Variants in PCDH11X observed in about 807,000 individuals in gnomAD.
The protein encoded by PCDH11X is protocadherin-11 X-linked.
PCDH11X carries 18 observed loss-of-function variants against 53.3 expected under a neutral mutation model. The ratio of observed to expected loss-of-function variants is 0.34; its 90% CI spans 0.23 to 0.50. The LOEUF (loss-of-function observed/expected upper bound fraction) is 0.50, where lower values mean the gene tolerates loss of function less well. Among genes scored for constraint, PCDH11X ranks in the 20% least tolerant of loss-of-function variants. The pLI is 0.98. For missense variants in PCDH11X, 570 were observed against 1,032.4 expected (o/e 0.55, Z 6.14); for synonymous variants, 279 against 393.3 (o/e 0.71, Z 3.44).
chrX:92,215,011 G>A (rs1009692554), intron 7 of PCDH11X, among the ~76,000 whole-genome samples: 1 of 111,903 alleles, frequency 8.9e-6, no homozygotes, highest in South Asian at 3.7e-4. Context: ...TCCTGCCACT[G>A]CACTCTAGCC....
At chrX:92,408,636 T>G (rs1476504003) in intron 9 of PCDH11X, among the ~76,000 whole-genome samples, 36 of 111,580 alleles carry the variant, frequency 3.2e-4, no homozygotes, top group African/African-American at 1.1e-3. Flanking sequence ...TGGAGTGCAG[T>G]GGCGCGATCG....
chrX:92,047,660 T>C (rs1421776808), intron 6 of PCDH11X, among the ~76,000 whole-genome samples: 2 of 110,946 alleles, frequency 1.8e-5, no homozygotes, highest in African/African-American at 3.3e-5. Flanking sequence ...TTTGTTGTTG[T>C]TGTTTCTAAG....
intron 7 of PCDH11X, among the ~76,000 whole-genome samples, chrX:92,220,642 G>T (rs181406790): frequency 9.0e-6 from 1 of 110,694 alleles, no homozygotes; most frequent in Admixed American, 9.7e-5. Context: ...TCAGTGTGGC[G>T]ATTCCTCAGG....
chrX:91,837,760 C>T (rs917519210), intron 5 of PCDH11X, among the ~76,000 whole-genome samples: 11 of 110,829 alleles, frequency 9.9e-5, no homozygotes, highest in African/African-American at 3.6e-4. Context: ...CTCTCTAAAG[C>T]AACACTTCAC....
At chrX:92,404,315 T>C (rs1258699564) in intron 9 of PCDH11X, among the ~76,000 whole-genome samples, 1 of 106,880 alleles carries the variant, frequency 9.4e-6, no homozygotes, top group African/African-American at 3.4e-5. Context: ...CTTTGGACTT[T>C]CAAAGAAATG....
chrX:91,961,457 A>G (rs2061786581), intron 6 of PCDH11X, among the ~76,000 whole-genome samples: 2 of 111,635 alleles, frequency 1.8e-5, no homozygotes, highest in South Asian at 7.6e-4. Context: ...AGCCAGGGCA[A>G]TGAGGCAAGA....
intron 1 of PCDH11X, among the ~76,000 whole-genome samples, chrX:91,792,980 TAAACA>T (rs1192148146): frequency 1.9e-5 from 2 of 105,264 alleles, no homozygotes; most frequent in Non-Finnish European, 3.9e-5. Context: ...ACACAAAAAC[TAAACA>T]AAATACTGGA....
At chrX:92,516,111 T>C (rs2148711431) in intron 10 of PCDH11X, among the ~76,000 whole-genome samples, 1 of 111,578 alleles carries the variant, frequency 9.0e-6, no homozygotes, top group African/African-American at 3.3e-5. Flanking sequence ...AAGTGACTGA[T>C]TTATATCTTC....
At position 91,980,590 on chromosome X, in the gene PCDH11X, C is replaced by G. The variant is rs776931252; in HGVS notation, c.3033+101317C>G. On this transcript the variant is annotated intron_variant, in intron 6 of 10. Transcript: ENST00000682573. ...GAGTAGCTGGGACTACAGGCTCACA[C>G]TGGCTAAATTTTGTTGTTGTTTATA... 1.2e-3 allele frequency among the ~76,000 whole-genome samples: 132 copies of G among 109,599 alleles called. 1 individual carries two copies. Among genetic ancestry groups the G allele is most frequent in the African/African-American group, 4.2e-3 (128 of 30,156 alleles).
intron 6 of PCDH11X, among the ~76,000 whole-genome samples, chrX:92,133,255 A>G (rs905622855): frequency 1.8e-5 from 2 of 112,172 alleles, no homozygotes; most frequent in Admixed American, 1.9e-4. Flanking sequence ...TCAAGTCTGA[A>G]TGCTTTGTTC....
chrX:91,797,799 A>C (rs1334377840), intron 1 of PCDH11X, among the ~76,000 whole-genome samples: 2 of 110,416 alleles, frequency 1.8e-5, no homozygotes, highest in African/African-American at 3.3e-5. Flanking sequence ...TCATATCCTT[A>C]GGGTATTTAG....
intron 6 of PCDH11X, among the ~76,000 whole-genome samples, chrX:92,104,601 C>T (rs894050857): frequency 3.4e-4 from 38 of 110,580 alleles, no homozygotes; most frequent in Admixed American, 3.1e-3. Flanking sequence ...GAAAATAAGA[C>T]GCTTAGATTT....
rs1389724587 is a variant in PCDH11X, at chrX:91,836,063, T to C, written c.540+19T>C. 1 of 1,192,040 alleles carries C rather than the reference T, an allele frequency of 8.4e-7. No individual in the cohort carries two copies. Among genetic ancestry groups the C allele is most frequent in the Non-Finnish European group, 1.1e-6 (1 of 886,797 alleles). On this transcript the variant is annotated intron_variant, in intron 5 of 10. Transcript: ENST00000682573. ...AATTAAGGTGCGTTTTAAAATCACT[T>C]TGTTAAAGATATCATCTCATTTTTT... is the stretch of plus-strand genomic sequence containing the variant.
chrX:92,619,504 G>A lies in PCDH11X; in HGVS notation c.*564G>A, dbSNP rs1179602835. 1 of 115,340 alleles carries A rather than the reference G, an allele frequency of 8.7e-6. No homozygotes were observed. Among genetic ancestry groups the A allele is most frequent in the Non-Finnish European group, 1.7e-5 (1 of 58,417 alleles). 9.5% of individuals were successfully genotyped at this position (115,340 alleles called of 1,213,427 possible). A position where few individuals can be genotyped will look rare whatever the true frequency, so the allele number is the denominator to read the frequency against. On this transcript the variant is annotated 3_prime_UTR_variant, in exon 11 of 11. Coordinates refer to ENST00000682573, the MANE Select transcript of PCDH11X (RefSeq NM_032968.5). ...TAGGTAGTGTAAATACTGCTTGTTT[G>A]TGTCTCTCTGCTGTCATGTTTTCTA...
chrX:92,526,430 A>T (rs2074454006), intron 10 of PCDH11X, among the ~76,000 whole-genome samples: 1 of 104,599 alleles, frequency 9.6e-6, no homozygotes, highest in Admixed American at 1.1e-4. Flanking sequence ...CAAATAACTC[A>T]ATAGGAAAAT....
At chrX:92,262,605 G>A (rs1365846832) in intron 7 of PCDH11X, among the ~76,000 whole-genome samples, 1 of 111,276 alleles carries the variant, frequency 9.0e-6, no homozygotes, top group African/African-American at 3.3e-5. Flanking sequence ...AGAAACTATT[G>A]ATTTAAAATT....
At chrX:92,262,819 G>A (rs1035498937) in intron 7 of PCDH11X, among the ~76,000 whole-genome samples, 5 of 111,076 alleles carry the variant, frequency 4.5e-5, no homozygotes, top group Admixed American at 9.6e-5. Flanking sequence ...TGGTTAATGC[G>A]TAAGTGAGCT....
chrX:92,021,322 A>G (rs2062880468), intron 6 of PCDH11X, among the ~76,000 whole-genome samples: 1 of 106,068 alleles, frequency 9.4e-6, no homozygotes, highest in African/African-American at 3.4e-5. Flanking sequence ...AGAGAGAAAC[A>G]TAAATGACCT....
chrX:91,984,138 CTG>C (rs1279143312), intron 6 of PCDH11X, among the ~76,000 whole-genome samples: 1 of 91,655 alleles, frequency 1.1e-5, no homozygotes, highest in African/African-American at 4.6e-5. Flanking sequence ...AAAGTGAAAA[CTG>C]TGTGGCATGA....
Sources: allele counts gnomAD v4.1 joint callset (sites outside exome capture counted in the v4.1 genomes callset), GRCh38; gene constraint gnomAD v4.1.1; transcripts MANE v1.5; gene names NCBI Gene and HGNC (gene_info 2026-07-23, HGNC 2026-07-21).